Variants in JAK2 observed in about 807,000 individuals in gnomAD.
The protein encoded by JAK2 is Janus kinase 2.
JAK2 carries 86 observed loss-of-function variants against 139.3 expected under a neutral mutation model. That is an observed-to-expected ratio of 0.62 (90% CI 0.52 to 0.74). JAK2 has a LOEUF of 0.74. Ranked by LOEUF, JAK2 falls within the 30% of genes least tolerant of loss-of-function variation. JAK2 has a pLI of 0.00. For synonymous variants in JAK2, 490 were observed against 437.7 expected (o/e 1.12, Z -1.49); for missense variants, 1,421 against 1,360.3 (o/e 1.04, Z -0.70).
At chr9:5,042,803 G>C (rs1053397971) in intron 4 of JAK2, among the ~76,000 whole-genome samples, 3 of 152,220 alleles carry the variant, frequency 2.0e-5, no homozygotes, top group Non-Finnish European at 4.4e-5. Context: ...GGGAACGGAG[G>C]GGTGGGGCCG....
chr9:5,120,019 G>A (rs1437015509), intron 22 of JAK2, among the ~76,000 whole-genome samples: 1 of 152,144 alleles, frequency 6.6e-6, no homozygotes, highest in Non-Finnish European at 1.5e-5. Context: ...CAGAATACCT[G>A]AAAATGGATA....
At chr9:5,021,888 C>T (rs779294262) in intron 2 of JAK2, 75 bp from the exon 3 acceptor site, 106 of 810,330 alleles carry the variant, frequency 1.3e-4, no homozygotes, top group Non-Finnish European at 1.9e-4. Context: ...CCGCCTCGGC[C>T]CCGCAAAGTG....
At chr9:5,026,544 CT>C (rs1388760775) in intron 3 of JAK2, among the ~76,000 whole-genome samples, 1 of 152,020 alleles carries the variant, frequency 6.6e-6, no homozygotes, top group African/African-American at 2.4e-5. Context: ...GAATAAAATA[CT>C]TTTGTGTTCT....
chr9:5,050,447 T>A (rs533180545), intron 5 of JAK2, among the ~76,000 whole-genome samples: 2 of 152,146 alleles, frequency 1.3e-5, no homozygotes, highest in African/African-American at 4.8e-5. Context: ...ATTTTTAAAT[T>A]TTTTGTGGAG....
intron 22 of JAK2, chr9:5,110,621 A>C (rs1822393940): frequency 5.2e-6 from 1 of 193,042 alleles, no homozygotes; most frequent in South Asian, 1.0e-4. Flanking sequence ...CTTTCTTCAC[A>C]GGCTTTTACT....
chr9:5,088,289 T>C (rs919885678), intron 19 of JAK2, among the ~76,000 whole-genome samples: 6 of 152,184 alleles, frequency 3.9e-5, no homozygotes, highest in African/African-American at 1.4e-4. Context: ...ATTAAGAGAT[T>C]TAACTTTGAG....
chr9:5,006,350 G>A (rs1209263811), intron 2 of JAK2, among the ~76,000 whole-genome samples: 5 of 152,134 alleles, frequency 3.3e-5, no homozygotes, highest in African/African-American at 1.2e-4. Flanking sequence ...TGTATGCTGA[G>A]ACTTTGCTGA....
rs899463369 is a variant in JAK2, at chr9:5,129,307, A to T, written c.*2516A>T. Reference sequence around the variant, plus strand: ...ATATTCAGAAGCGATTTTCTTTTGCATTTTTACCTAACCAAGGAAACGGGC... The same window carrying T: ...ATATTCAGAAGCGATTTTCTTTTGCTTTTTTACCTAACCAAGGAAACGGGC... On this transcript the variant is annotated 3_prime_UTR_variant, in exon 25 of 25. Transcript: ENST00000381652. Among the ~76,000 whole-genome samples the T allele has an allele frequency of 1.3e-5, 2 of 151,994 alleles. No homozygotes were observed. The highest frequency in any genetic ancestry group is 4.8e-5 in the African/African-American group (2 of 41,416).
chr9:5,096,284 C>G (rs1269338550), intron 22 of JAK2, among the ~76,000 whole-genome samples: 1 of 152,162 alleles, frequency 6.6e-6, no homozygotes, highest in African/African-American at 2.4e-5. Context: ...TTAAATAAGA[C>G]CAGGGACCTT....
At chr9:5,023,620 G>C (rs1308469136) in intron 3 of JAK2, among the ~76,000 whole-genome samples, 1 of 152,220 alleles carries the variant, frequency 6.6e-6, no homozygotes, top group Non-Finnish European at 1.5e-5. Context: ...ACCTTTCCCT[G>C]TGTGGAGTCT....
rs564717054 is a variant in JAK2, at chr9:5,110,842, G to T, written c.3060-12162G>T. The T allele has an allele frequency of 7.7e-4, 353 of 461,070 alleles. 1 individual carries two copies. Among genetic ancestry groups the T allele is most frequent in the Non-Finnish European group, 1.0e-3 (242 of 238,002 alleles). 28.6% of individuals were successfully genotyped at this position (461,070 alleles called of 1,614,324 possible). A position where few individuals can be genotyped will look rare whatever the true frequency, so the allele number is the denominator to read the frequency against. Reference sequence around the variant, plus strand: ...CATCGCCCGTTTGTTCGGGGAAGGTGGGGGGGACGCTTCATGCCGCCGCGC... The same window carrying T: ...CATCGCCCGTTTGTTCGGGGAAGGTTGGGGGGACGCTTCATGCCGCCGCGC... On this transcript the variant is annotated intron_variant, in intron 22 of 24. Coordinates refer to ENST00000381652, the MANE Select transcript of JAK2 (RefSeq NM_004972.4).
chr9:5,099,836 C>T (rs977991016), intron 22 of JAK2: 5 of 152,152 alleles, frequency 3.3e-5, no homozygotes, highest in African/African-American at 1.2e-4. Context: ...TCATTTACAC[C>T]AACTATCCAA....
At chr9:5,085,501 A>C (rs954251776) in intron 19 of JAK2, 1 of 720,528 alleles carries the variant, frequency 1.4e-6, no homozygotes, top group Non-Finnish European at 2.6e-6. Flanking sequence ...TTTTGACCCG[A>C]GCTGAAGAAA....
chr9:4,991,677 ACT>A (rs1820259244), intron 2 of JAK2, among the ~76,000 whole-genome samples: 1 of 150,496 alleles, frequency 6.6e-6, no homozygotes, highest in South Asian at 2.1e-4. Context: ...AAACCAGCAA[ACT>A]CTTTCCCACC....
intron 2 of JAK2, among the ~76,000 whole-genome samples, chr9:5,003,143 C>T (rs1821029987): frequency 6.6e-6 from 1 of 151,784 alleles, no homozygotes; most frequent in African/African-American, 2.4e-5. Context: ...TATGATAAAT[C>T]TTGATGTCTG....
chr9:4,997,248 G>C (rs1820627407), intron 2 of JAK2, among the ~76,000 whole-genome samples: 1 of 151,962 alleles, frequency 6.6e-6, no homozygotes, highest in Admixed American at 6.6e-5. Context: ...GTCTGTTCTT[G>C]CATTGCTATA....
chr9:5,074,003 C>T (rs979871529), intron 14 of JAK2, among the ~76,000 whole-genome samples: 1 of 152,102 alleles, frequency 6.6e-6, no homozygotes, highest in African/African-American at 2.4e-5. Flanking sequence ...AATGCCCAAA[C>T]AATAGAGTAT....
chr9:5,005,075 C>G (rs1821193538), intron 2 of JAK2, among the ~76,000 whole-genome samples: 1 of 125,424 alleles, frequency 8.0e-6, no homozygotes, highest in Admixed American at 9.0e-5. Flanking sequence ...TGCCAGCATG[C>G]CTGGCTAATT....
At chr9:5,116,614 G>C (rs374116827) in intron 22 of JAK2, among the ~76,000 whole-genome samples, 1 of 152,090 alleles carries the variant, frequency 6.6e-6, no homozygotes, top group African/African-American at 2.4e-5. Context: ...TCAGAGATTT[G>C]GTTATACTTA....
Sources: allele counts gnomAD v4.1 joint callset (sites outside exome capture counted in the v4.1 genomes callset), GRCh38; gene constraint gnomAD v4.1.1; transcripts MANE v1.5; gene names NCBI Gene and HGNC (gene_info 2026-07-23, HGNC 2026-07-21).